The following ACOT11 variants were observed in gnomAD, a reference collection of about 807,000 sequenced individuals.
ACOT11 encodes the protein acyl-CoA thioesterase 11.
In ACOT11, 69 loss-of-function variants were observed where a neutral mutation model predicts 77.5. The ratio of observed to expected loss-of-function variants is 0.89; its 90% CI spans 0.73 to 1.09. ACOT11 has a LOEUF of 1.09. Among genes scored for constraint, ACOT11 ranks in the 50% least tolerant of loss-of-function variants. The pLI is 0.00. For missense variants in ACOT11, 766 were observed against 813.7 expected (o/e 0.94, Z 0.71); for synonymous variants, 279 against 313.0 (o/e 0.89, Z 1.15).
In ACOT11 at chr1:54,607,925, A is replaced by T; in HGVS notation, c.1503-17A>T. 6.2e-7 allele frequency: 1 copy of T among 1,612,740 alleles called. No individual in the cohort carries two copies. Among genetic ancestry groups the T allele is most frequent in the Non-Finnish European group, 8.5e-7 (1 of 1,179,434 alleles). Reference sequence around the variant, plus strand: ...TGTGGCTGACCCCTGTCCCCTTGCTACCCTTCCTTCACTCAGGGACCCCTA... The same window carrying T: ...TGTGGCTGACCCCTGTCCCCTTGCTTCCCTTCCTTCACTCAGGGACCCCTA... On this transcript the variant is annotated splice_polypyrimidine_tract_variant and intron_variant, in intron 14 of 15. Coordinates refer to ENST00000343744, the MANE Select transcript of ACOT11 (RefSeq NM_147161.4). This position sits in a 1 kb window ranked among gnomAD's most constrained non-coding sequence, Gnocchi z 4.5.
At chr1:54,589,956 C>T (rs1654647684) in intron 3 of ACOT11, among the ~76,000 whole-genome samples, 1 of 152,060 alleles carries the variant, frequency 6.6e-6, no homozygotes, top group South Asian at 2.1e-4. Flanking sequence ...GGCATGGTGG[C>T]AAGCGCCTGT....
chr1:54,586,780 T>A (rs543597850), intron 3 of ACOT11, among the ~76,000 whole-genome samples: 15 of 152,196 alleles, frequency 9.9e-5, no homozygotes, highest in African/African-American at 3.6e-4. Flanking sequence ...AATAGAAGAA[T>A]ATTCATCACA....
In ACOT11 at chr1:54,602,833, G is replaced by T. The variant is rs1389392700; in HGVS notation, c.1085+109G>T. 5.7e-6 allele frequency: 7 copies of T among 1,217,834 alleles called. No individual in the cohort carries two copies. In the East Asian group the frequency reaches 1.5e-4, roughly 25 times the overall value. The allele number at this position is 1,217,834 out of a possible 1,614,324, so 75.4% of individuals were successfully genotyped here. A position where few individuals can be genotyped will look rare whatever the true frequency, so the allele number is the denominator to read the frequency against. On this transcript the variant is annotated intron_variant, in intron 10 of 15. Transcript: ENST00000343744. The stretch of plus-strand genomic sequence containing the variant: ...GAGCTGCCTGTGCGTTGGGCCCTGG[G>T]CCGGGCCCTTTACATCCTCTCGTTT...
At position 54,607,778 on chromosome 1, in the gene ACOT11, G is replaced by T. The variant is rs1179178697; in HGVS notation, c.1503-164G>T. 1.3e-5 allele frequency among the ~76,000 whole-genome samples: 2 copies of T among 152,114 alleles called. No homozygotes were observed. Among genetic ancestry groups the T allele is most frequent in the African/African-American group, 4.8e-5 (2 of 41,420 alleles). The stretch of plus-strand genomic sequence containing the variant: ...ACAGGTACCTCCTCCCTCCAGCCTG[G>T]CCCTGAGCCCCGCATTGGGGCTTTA... On this transcript the variant is annotated intron_variant, in intron 14 of 15. Transcript: ENST00000343744. This position sits in a 1 kb window ranked among gnomAD's most constrained non-coding sequence, Gnocchi z 4.5.
chr1:54,576,829 C>T (rs1402839266), intron 1 of ACOT11, among the ~76,000 whole-genome samples: 1 of 146,172 alleles, frequency 6.8e-6, no homozygotes, highest in Non-Finnish European at 1.5e-5. Context: ...GCCTCAGAGA[C>T]CTTGTTAATA....
intron 9 of ACOT11, 122 bp from the exon 10 acceptor site, chr1:54,602,547 C>A: frequency 2.2e-6 from 2 of 923,024 alleles, no homozygotes; most frequent in South Asian, 2.6e-5. Flanking sequence ...TTGATTCCAG[C>A]TGCCCCAGCG....
At position 54,629,695 on chromosome 1, in the gene ACOT11, C is replaced by T. The variant is rs1355826432; in HGVS notation, c.1630-1039C>T. On this transcript the variant is annotated intron_variant, in intron 15 of 16. Transcript: ENST00000371316. ...GACCTCCTGGGCTCAAGCTATTCTCCCACCACAGCCTCCCAAGTAGCTAGG... is the reference window on the plus strand; with the variant it reads ...GACCTCCTGGGCTCAAGCTATTCTCTCACCACAGCCTCCCAAGTAGCTAGG... 1.5e-5 allele frequency among the ~76,000 whole-genome samples: 2 copies of T among 132,460 alleles called. 1 individual carries two copies. The highest frequency in any genetic ancestry group is 5.1e-5 in the African/African-American group (2 of 39,010). 86.9% of individuals were successfully genotyped at this position (132,460 alleles called of 152,430 possible).
Position 54,610,135 on chromosome 1 carries a change from T to C in ACOT11, c.*1023T>C, listed in dbSNP as rs115869968. ...TGCCTGGTGCATGAGAAACTCTTGT[T>C]TCAGCTCTTGGCCTTTACCCATGAC... On this transcript the variant is annotated 3_prime_UTR_variant, in exon 16 of 16. Transcript: ENST00000343744. 6,550 of 1,433,176 alleles carry C rather than the reference T, an allele frequency of 4.6e-3. 259 individuals carry two copies. In the African/African-American group the frequency reaches 0.081, roughly 18 times the overall value. The allele number at this position is 1,433,176 out of a possible 1,614,324, so 88.8% of individuals were successfully genotyped here.
chr1:54,581,659 C>T (rs368050180), intron 1 of ACOT11, among the ~76,000 whole-genome samples: 4 of 152,144 alleles, frequency 2.6e-5, no homozygotes, highest in East Asian at 3.8e-4. Flanking sequence ...GGCACATCTC[C>T]GACCTCTGGG....
At chr1:54,630,696 A>G in intron 15 of ACOT11, 1 of 615,396 alleles carries the variant, frequency 1.6e-6, no homozygotes, top group Non-Finnish European at 3.0e-6. Context: ...CCCACTTCAC[A>G]CCTCTATATT....
chr1:54,595,808 A>G (rs1048701587), intron 6 of ACOT11, among the ~76,000 whole-genome samples: 2 of 152,196 alleles, frequency 1.3e-5, no homozygotes, highest in Admixed American at 1.3e-4. Flanking sequence ...GGACTTGTTT[A>G]CTTATCCCCA....
chr1:54,634,834 C>A, exon 17 of ACOT11: 1 of 636,590 alleles, frequency 1.6e-6, no homozygotes. Context: ...CTCCAACTAT[C>A]ATGAGCAACA....
chr1:54,621,034 G>A (rs1050731831), intron 15 of ACOT11, among the ~76,000 whole-genome samples: 4 of 151,124 alleles, frequency 2.6e-5, no homozygotes, highest in East Asian at 1.9e-4. Flanking sequence ...AGTGGCATGC[G>A]CCTGTAATCC....
At chr1:54,619,603 G>A (rs561090516) in intron 15 of ACOT11, among the ~76,000 whole-genome samples, 10 of 152,308 alleles carry the variant, frequency 6.6e-5, no homozygotes, top group African/African-American at 1.9e-4. Context: ...CTGACAGGTC[G>A]AGGAAGGGGT....
intron 3 of ACOT11, among the ~76,000 whole-genome samples, chr1:54,588,525 G>A (rs1021476764): frequency 3.3e-5 from 5 of 152,192 alleles, no homozygotes; most frequent in Non-Finnish European, 7.3e-5. Context: ...TGGGCCCAGA[G>A]CCCTTGCTCT....
intron 10 of ACOT11, among the ~76,000 whole-genome samples, chr1:54,603,479 C>T (rs1300678208): frequency 2.0e-5 from 3 of 152,194 alleles, no homozygotes; most frequent in Admixed American, 6.5e-5. Flanking sequence ...GCATCTATGG[C>T]ATTTACTGAG....
At chr1:54,583,358 G>A (rs897695620) in intron 1 of ACOT11, among the ~76,000 whole-genome samples, 3 of 152,136 alleles carry the variant, frequency 2.0e-5, no homozygotes, top group Non-Finnish European at 1.5e-5. Flanking sequence ...AAGCCACCTC[G>A]GAGTGCTTGA....
chr1:54,573,263 G>A (rs185518672), intron 1 of ACOT11: 9 of 984,942 alleles, frequency 9.1e-6, no homozygotes, highest in Non-Finnish European at 9.6e-6. Flanking sequence ...TAGCTTTTGC[G>A]GTAAGCAGAC....
chr1:54,620,448 G>A (rs1472329303), intron 15 of ACOT11, among the ~76,000 whole-genome samples: 4 of 152,246 alleles, frequency 2.6e-5, no homozygotes, highest in Non-Finnish European at 4.4e-5. Context: ...GCTCATGCCT[G>A]TAATCCCAGC....
Sources: gnomAD v4.1 joint callset for allele counts (sites outside exome capture counted in the v4.1 genomes callset) on GRCh38, gnomAD v4.1.1 for gene constraint, Gnocchi (gnomAD v3.1) non-coding constraint, MANE v1.5 for transcripts, NCBI Gene and HGNC (gene_info 2026-07-23, HGNC 2026-07-21) for gene names.